Variants in TMEM266 observed in about 807,000 individuals in gnomAD.
TMEM266 encodes the protein Hv1 related protein 1.
In TMEM266, 33 loss-of-function variants were observed where a neutral mutation model predicts 50.5. That is an observed-to-expected ratio of 0.65 (90% CI 0.50 to 0.87). The LOEUF (loss-of-function observed/expected upper bound fraction) is 0.87. Among genes scored for constraint, TMEM266 ranks in the 40% least tolerant of loss-of-function variants. The pLI, the probability that TMEM266 is intolerant of heterozygous loss-of-function variation, is 0.00. For missense variants in TMEM266, 655 were observed against 695.1 expected (o/e 0.94, Z 0.65); for synonymous variants, 310 against 292.3 (o/e 1.06, Z -0.62).
chr15:76,094,051 C>G (rs1473859121), intron 1 of TMEM266, among the ~76,000 whole-genome samples: 1 of 152,004 alleles, frequency 6.6e-6, no homozygotes, highest in Non-Finnish European at 1.5e-5. Context: ...AAAATTTTCT[C>G]CCATTCTGTA....
At chr15:76,197,894 G>A (rs1404605075) in intron 9 of TMEM266, among the ~76,000 whole-genome samples, 1 of 152,218 alleles carries the variant, frequency 6.6e-6, no homozygotes, top group East Asian at 1.9e-4. Flanking sequence ...GCAGGTCGGG[G>A]GCTCCACCCA....
chr15:76,130,841 A>G (rs1371793425), intron 1 of TMEM266, among the ~76,000 whole-genome samples: 1 of 152,192 alleles, frequency 6.6e-6, no homozygotes, highest in Non-Finnish European at 1.5e-5. Flanking sequence ...AAAATTTTTC[A>G]TAATCTTTAC....
chr15:76,093,647 T>C (rs1478667190), intron 1 of TMEM266, among the ~76,000 whole-genome samples: 2 of 152,116 alleles, frequency 1.3e-5, no homozygotes, highest in African/African-American at 2.4e-5. Context: ...GATTGCTGGG[T>C]CAAATGGTAT....
intron 1 of TMEM266, among the ~76,000 whole-genome samples, chr15:76,121,576 C>T (rs1371767454): frequency 6.6e-6 from 1 of 152,082 alleles, no homozygotes; most frequent in Non-Finnish European, 1.5e-5. Context: ...ACCACCATGC[C>T]CAGATAATTT....
chr15:76,203,313 T>TAAAC (rs958230286), intron 10 of TMEM266, among the ~76,000 whole-genome samples: 1 of 152,090 alleles, frequency 6.6e-6, no homozygotes, highest in Non-Finnish European at 1.5e-5. Flanking sequence ...CTCGATGGTT[T>TAAAC]AAACAAACAA....
At chr15:76,078,783 C>G (rs1200799078) in intron 1 of TMEM266, among the ~76,000 whole-genome samples, 8 of 152,210 alleles carry the variant, frequency 5.3e-5, no homozygotes. Flanking sequence ...TATTAAAATA[C>G]TACCACAAAC....
Position 76,126,298 on chromosome 15 carries a change from TC to T in TMEM266, c.-96-7868del, listed in dbSNP as rs1479572243. On this transcript the variant is annotated intron_variant, in intron 1 of 10. Coordinates refer to ENST00000388942, the MANE Select transcript of TMEM266 (RefSeq NM_152335.3). ...ATTTATTGCAGCACTATTCACAATGTCCAAGATTTGGAAGCAACCTAAGTGT... is the reference window on the plus strand; with the variant it reads ...ATTTATTGCAGCACTATTCACAATGTCAAGATTTGGAAGCAACCTAAGTGT... Among the ~76,000 whole-genome samples, 3 of 150,842 alleles carry T rather than the reference TC, an allele frequency of 2.0e-5. No homozygotes were observed. The East Asian group carries it at 5.9e-4, about 29-fold the overall frequency.
At chr15:76,066,285 C>T (rs1368128627) in intron 1 of TMEM266, among the ~76,000 whole-genome samples, 1 of 152,100 alleles carries the variant, frequency 6.6e-6, no homozygotes, top group African/African-American at 2.4e-5. Flanking sequence ...TAAGTCAACA[C>T]CACAGGGAGA....
intron 3 of TMEM266, among the ~76,000 whole-genome samples, chr15:76,152,340 G>T (rs562739827): frequency 6.6e-5 from 10 of 152,298 alleles, no homozygotes; most frequent in African/African-American, 2.4e-4. Context: ...GTGGGCAGGG[G>T]ACAACTGAGC....
chr15:76,111,858 C>A (rs1302301312), intron 1 of TMEM266, among the ~76,000 whole-genome samples: 1 of 152,182 alleles, frequency 6.6e-6, no homozygotes, highest in African/African-American at 2.4e-5. Flanking sequence ...TTCATAATTG[C>A]CAAACACTGG....
At chr15:76,106,742 A>T (rs1567153010) in intron 1 of TMEM266, among the ~76,000 whole-genome samples, 1 of 152,222 alleles carries the variant, frequency 6.6e-6, no homozygotes, top group Non-Finnish European at 1.5e-5. Context: ...CACCATGACC[A>T]GCCTACAACA....
rs1375734475 is a variant in TMEM266 at position 76,168,730 on chromosome 15, C to A, written c.457-1086C>A. On this transcript the variant is annotated intron_variant, in intron 5 of 10. Coordinates refer to ENST00000388942, the MANE Select transcript of TMEM266 (RefSeq NM_152335.3). The surrounding 1 kb of genome is among the most constrained non-coding windows in gnomAD (Gnocchi z 4.4). ...TAGGGATAAAAGAGAGACAGCAGAC[C>A]AGGTCCCTTGAGCCTCCACTGGGGG... Among the ~76,000 whole-genome samples the A allele has an allele frequency of 6.6e-6, 1 of 152,220 alleles. No homozygotes were observed. The highest frequency in any genetic ancestry group is 2.4e-5 in the African/African-American group (1 of 41,452).
At chr15:76,131,536 A>C (rs555711398) in intron 1 of TMEM266, among the ~76,000 whole-genome samples, 1 of 152,254 alleles carries the variant, frequency 6.6e-6, no homozygotes, top group Non-Finnish European at 1.5e-5. Context: ...GTCTCAGAAG[A>C]CTTTATTAAC....
chr15:76,085,257 C>G (rs1003304562), intron 1 of TMEM266, among the ~76,000 whole-genome samples: 1 of 151,476 alleles, frequency 6.6e-6, no homozygotes, highest in Non-Finnish European at 1.5e-5. Flanking sequence ...CCGCGCCCAG[C>G]CTTTCTTTTT....
chr15:76,188,036 C>T (rs762009311), intron 8 of TMEM266, among the ~76,000 whole-genome samples: 2 of 152,122 alleles, frequency 1.3e-5, no homozygotes, highest in African/African-American at 4.8e-5. Context: ...TCCCCCAGGG[C>T]GTCTTGTTGG....
rs147183114 is a variant in TMEM266 at position 76,201,950 on chromosome 15, G to A, written c.959-252G>A. On this transcript the variant is annotated intron_variant, in intron 9 of 10. Coordinates refer to ENST00000388942, the MANE Select transcript of TMEM266 (RefSeq NM_152335.3). ...GGGAAACTGGGGACAGAGGGGAAGG[G>A]GTCTGTCCAGGTCAGTACTAAGGCA... 3.9e-3 allele frequency among the ~76,000 whole-genome samples: 601 copies of A among 152,280 alleles called. 3 individuals carry two copies. The highest frequency in any genetic ancestry group is 0.014 in the African/African-American group (569 of 41,536).
intron 9 of TMEM266, 37 bp downstream of exon 9, chr15:76,192,194 G>T: frequency 7.2e-7 from 1 of 1,388,878 alleles, no homozygotes; most frequent in Middle Eastern, 2.7e-4. Context: ...AGAGTGTCAC[G>T]GCCGGGGATC....
intron 9 of TMEM266, 50 bp downstream of exon 9, chr15:76,192,207 C>CCTCGCCTCCCT: frequency 1.4e-6 from 2 of 1,381,570 alleles, no homozygotes; most frequent in Non-Finnish European, 1.9e-6. Context: ...CGGGGATCCC[C>CCTCGCCTCCCT]CTCGCCTCCC....
intron 1 of TMEM266, among the ~76,000 whole-genome samples, chr15:76,077,747 T>G (rs886889894): frequency 2.0e-5 from 3 of 152,022 alleles, no homozygotes; most frequent in African/African-American, 7.3e-5. Context: ...GAATGGATTC[T>G]CCCCTACAAG....
Sources: gnomAD v4.1 joint callset for allele counts (sites outside exome capture counted in the v4.1 genomes callset) on GRCh38, gnomAD v4.1.1 for gene constraint, Gnocchi (gnomAD v3.1) non-coding constraint, MANE v1.5 for transcripts, NCBI Gene and HGNC (gene_info 2026-07-23, HGNC 2026-07-21) for gene names.